Variants in CARD14 observed in about 807,000 individuals in gnomAD.
CARD14 encodes the protein caspase recruitment domain family member 14.
CARD14 carries 107 observed loss-of-function variants against 111.5 expected under a neutral mutation model. The observed-to-expected ratio is 0.96, with a 90% CI of 0.82 to 1.13. The LOEUF (loss-of-function observed/expected upper bound fraction) is 1.13. Among genes scored for constraint, CARD14 ranks in the 50% most tolerant of loss-of-function variants. The pLI, the probability that CARD14 is intolerant of heterozygous loss-of-function variation, is 0.00. For missense variants in CARD14, 1,322 were observed against 1,362.3 expected, an observed-to-expected ratio of 0.97 and a Z score of 0.47; for synonymous variants, 617 against 579.6, an observed-to-expected ratio of 1.06 and a Z score of -0.93.
chr17:80,188,829 T>C lies in CARD14; in HGVS notation c.843+285T>C, dbSNP rs945165845. ...ACTTGGGAGGCCAAGATGGGCAAGA[T>C]AGCTTGAGCTCAGGAGTTCAAGACC... On this transcript the variant is annotated intron_variant, in intron 8 of 23. Coordinates refer to ENST00000648509, the MANE Select transcript of CARD14 (RefSeq NM_001366385.1). This position sits in a 1 kb window ranked among gnomAD's most constrained non-coding sequence, Gnocchi z 4.5. 2 of 212,420 alleles carry C rather than the reference T, an allele frequency of 9.4e-6. No individual in the cohort carries two copies. Among genetic ancestry groups the C allele is most frequent in the Non-Finnish European group, 1.8e-5 (2 of 108,208 alleles). 13.2% of individuals were successfully genotyped at this position (212,420 alleles called of 1,614,324 possible).
At chr17:80,186,673 C>G (rs1044019554) in intron 7 of CARD14, among the ~76,000 whole-genome samples, 1 of 152,160 alleles carries the variant, frequency 6.6e-6, no homozygotes, top group Non-Finnish European at 1.5e-5. Context: ...CTCAGCCTCC[C>G]GAGCAGCTGG....
At chr17:80,174,819 C>T (rs1310364428) in intron 2 of CARD14, among the ~76,000 whole-genome samples, 1 of 152,082 alleles carries the variant, frequency 6.6e-6, no homozygotes, top group Non-Finnish European at 1.5e-5. Flanking sequence ...CTCTGACTTC[C>T]CTAGACTTCT....
At chr17:80,191,007 C>G in intron 10 of CARD14, 108 bp downstream of exon 10, 1 of 1,452,228 alleles carries the variant, frequency 6.9e-7, no homozygotes, top group Non-Finnish European at 9.3e-7. Context: ...CAGCTGGTCC[C>G]AGATTTCAGG....
At position 80,195,213 on chromosome 17, in the gene CARD14, G is replaced by C; in HGVS notation, c.1379G>C (p.Ser460Thr). Reference protein sequence around the residue: ...STESQLLSDLSATSSRELVDS... With the variant: ...STESQLLSDLTATSSRELVDS... ...CAGTCTCAGCTCTTGTCGGACCTGA[G>C]TGCCACGTCCAGCCGCGAGCTGGTG... Residue 460 changes from serine (S) to threonine (T), a missense_variant, in exon 13 of 24, where the codon AGT becomes ACT. Transcript: ENST00000648509. This position sits in a 1 kb window ranked among gnomAD's most constrained non-coding sequence, Gnocchi z 4.7. The C allele has an allele frequency of 6.2e-7, 1 of 1,610,006 alleles. No individual in the cohort carries two copies. Among genetic ancestry groups the C allele is most frequent in the Non-Finnish European group, 8.5e-7 (1 of 1,178,354 alleles).
chr17:80,201,995 G>A lies in CARD14; in HGVS notation c.1978+125G>A. ...CCAGAGCCAAGAGAGGATCAGCCAG[G>A]CTGTGCCCCAGGTCCCCAGGAGGCC... On this transcript the variant is annotated intron_variant, in intron 17 of 23. Coordinates refer to ENST00000648509, the MANE Select transcript of CARD14 (RefSeq NM_001366385.1). The surrounding 1 kb of genome is among the most constrained non-coding windows in gnomAD (Gnocchi z 5.0). The A allele has an allele frequency of 7.3e-7, 1 of 1,372,834 alleles. No homozygotes were observed. Among genetic ancestry groups the A allele is most frequent in the Non-Finnish European group, 9.9e-7 (1 of 1,010,928 alleles). The allele number at this position is 1,372,834 out of a possible 1,614,324, so 85.0% of individuals were successfully genotyped here.
Position 80,192,577 on chromosome 17 carries a change from C to A in CARD14, c.1314C>A (p.Cys438Ter), listed in dbSNP as rs2040562035. The A allele has an allele frequency of 6.2e-7, 1 of 1,613,290 alleles. No individual in the cohort carries two copies. Among genetic ancestry groups the A allele is most frequent in the African/African-American group, 1.3e-5 (1 of 74,922 alleles). The change falls in exon 12 of 24, where the codon TGC (cysteine) becomes TGA (stop). Residue 438 changes from cysteine to a stop codon, truncating the protein, a stop_gained. Transcript: ENST00000648509. LOFTEE classifies it high-confidence loss of function. ...KQRLVRMHAI[C>*]PRDDSDCSLV... Reference sequence around the variant, plus strand: ...GGCTGGTGCGGATGCATGCCATCTGCCCCAGAGACGACAGCGACTGCAGCC... The same window carrying A: ...GGCTGGTGCGGATGCATGCCATCTGACCCAGAGACGACAGCGACTGCAGCC...
At chr17:80,200,282 G>A (rs1361653705) in intron 16 of CARD14, among the ~76,000 whole-genome samples, 2 of 139,086 alleles carry the variant, frequency 1.4e-5, no homozygotes, top group Non-Finnish European at 3.0e-5. Context: ...TGTCGCCCAG[G>A]CTGGAGTGCA....
Position 80,198,649 on chromosome 17 carries a change from G to A in CARD14, c.1851+58G>A, listed in dbSNP as rs907251778. The A allele has an allele frequency of 6.2e-7, 1 of 1,608,684 alleles. No homozygotes were observed. The highest frequency in any genetic ancestry group is 1.3e-5 in the African/African-American group (1 of 75,048). On this transcript the variant is annotated intron_variant, in intron 16 of 23. Transcript: ENST00000648509. This position sits in a 1 kb window ranked among gnomAD's most constrained non-coding sequence, Gnocchi z 7.5. ...GCTCCTCATGGGGACAGTGGCAGCG[G>A]GTGGGGTGACCCAGGCAGACTTCAC... is the stretch of plus-strand genomic sequence containing the variant.
At chr17:80,177,434 G>A (rs2040053214) in intron 2 of CARD14, among the ~76,000 whole-genome samples, 1 of 152,124 alleles carries the variant, frequency 6.6e-6, no homozygotes, top group Admixed American at 6.6e-5. Context: ...AGTGGTTCAT[G>A]CCTGTAATCC....
At chr17:80,173,604 AT>A (rs373407816) in intron 2 of CARD14, among the ~76,000 whole-genome samples, 367 of 143,524 alleles carry the variant, frequency 2.6e-3, no homozygotes, top group Admixed American at 3.1e-3. Flanking sequence ...CAGATTCGGC[AT>A]TTTTTTTTTT....
In CARD14 at chr17:80,195,423, T is replaced by C; in HGVS notation, c.1499+90T>C. The C allele has an allele frequency of 6.5e-7, 1 of 1,528,266 alleles. No individual in the cohort carries two copies. Among genetic ancestry groups the C allele is most frequent in the Non-Finnish European group, 8.8e-7 (1 of 1,133,274 alleles). The allele number at this position is 1,528,266 out of a possible 1,614,324, so 94.7% of individuals were successfully genotyped here. A position where few individuals can be genotyped will look rare whatever the true frequency, so the allele number is the denominator to read the frequency against. On this transcript the variant is annotated intron_variant, in intron 13 of 23. Transcript: ENST00000648509. This position sits in a 1 kb window ranked among gnomAD's most constrained non-coding sequence, Gnocchi z 4.7. Reference sequence around the variant, plus strand: ...AGACACCAACCTAGACCTCAGGGCATCTGGGTATTGCAGGCAGCAGCTCCT... The same window carrying C: ...AGACACCAACCTAGACCTCAGGGCACCTGGGTATTGCAGGCAGCAGCTCCT...
chr17:80,199,561 C>CAAAAAAAAAAAAAAAA (rs34737700), intron 16 of CARD14, among the ~76,000 whole-genome samples: 4 of 68,772 alleles, frequency 5.8e-5, no homozygotes, highest in Admixed American at 2.1e-4. Context: ...AGCCTTGTCT[C>CAAAAAAAAAAAAAAAA]AAAAAAAAAA....
In CARD14 at chr17:80,184,053, G is replaced by A. The variant is rs149667803; in HGVS notation, c.490G>A (p.Glu164Lys). The A allele has an allele frequency of 1.3e-5, 21 of 1,587,348 alleles. No individual in the cohort carries two copies. Among genetic ancestry groups the A allele is most frequent in the South Asian group, 5.7e-5 (5 of 87,168 alleles). ...GCTGCAGGAGCACCTGGGCCTGGCC[G>A]AGACCCGTGCCGAGGGCCTGCACCA... is the stretch of plus-strand genomic sequence containing the variant. ...QQLQEHLGLA[E>K]TRAEGLHQLE... Residue 164 changes from glutamate to lysine, a missense_variant, in exon 7 of 24, where the codon GAG (glutamate) becomes AAG (lysine). Glu to Lys is a moderately conservative substitution (Grantham distance 56, BLOSUM62 1). Coordinates refer to ENST00000648509, the MANE Select transcript of CARD14 (RefSeq NM_001366385.1).
At position 80,181,527 on chromosome 17, in the gene CARD14, TC is replaced by T. The variant is rs1457318028; in HGVS notation, c.90del (p.Ile30MetfsTer48). On this transcript the variant is annotated frameshift_variant, in exon 5 of 24. Transcript: ENST00000648509. LOFTEE classifies it high-confidence loss of function. ...ATGATGGAGAGCCACCGCCACAGGA[TC>T]GTACGCTGCATCTGCCCCAGCCGCC... ...WEMMESHRHR[I>X]VRCICPSRLT... 6.3e-6 allele frequency: 10 copies of T among 1,587,638 alleles called. No homozygotes were observed. Among genetic ancestry groups the T allele is most frequent in the Non-Finnish European group, 8.6e-6 (10 of 1,167,490 alleles).
At chr17:80,191,500 G>C in intron 11 of CARD14, 28 bp downstream of exon 11, 1 of 1,601,464 alleles carries the variant, frequency 6.2e-7, no homozygotes, top group Non-Finnish European at 8.5e-7. Flanking sequence ...ACCCGAGCTG[G>C]AGGCCAGGCA....
chr17:80,180,024 GAAA>G (rs1364169210), intron 4 of CARD14, among the ~76,000 whole-genome samples: 1 of 152,148 alleles, frequency 6.6e-6, no homozygotes, highest in African/African-American at 2.4e-5. Flanking sequence ...TTAATATGCT[GAAA>G]ACAGTGCACA....
chr17:80,189,792 CG>C lies in CARD14; in HGVS notation c.888del (p.Ser297AlafsTer51). Reference protein sequence around the residue: ...DILEQSLDEARGSRQELVERI... With the variant: ...DILEQSLDEAXGSRQELVERI... The stretch of plus-strand genomic sequence containing the variant: ...TCTGGAGCAGAGCCTGGACGAGGCG[CG>C]GGGGAGCCGACAGGAGCTGGTGGAG... On this transcript the variant is annotated frameshift_variant, in exon 9 of 24. Coordinates refer to ENST00000648509, the MANE Select transcript of CARD14 (RefSeq NM_001366385.1). LOFTEE classifies it high-confidence loss of function. The surrounding 1 kb of genome is among the most constrained non-coding windows in gnomAD (Gnocchi z 4.7). 1.9e-6 allele frequency: 3 copies of C among 1,584,834 alleles called. No individual in the cohort carries two copies. The highest frequency in any genetic ancestry group is 1.9e-5 in the Admixed American group (1 of 53,028).
intron 12 of CARD14, among the ~76,000 whole-genome samples, chr17:80,194,291 C>T (rs2040632968): frequency 6.6e-6 from 1 of 152,200 alleles, no homozygotes; most frequent in Non-Finnish European, 1.5e-5. Context: ...CCCGTTGGTT[C>T]CCCCACCCCA....
In CARD14 at chr17:80,182,447, T is replaced by C. The variant is rs2040203721; in HGVS notation, c.212-206T>C. Among the ~76,000 whole-genome samples the C allele has an allele frequency of 6.6e-6, 1 of 152,164 alleles. No individual in the cohort carries two copies. Among genetic ancestry groups the C allele is most frequent in the African/African-American group, 2.4e-5 (1 of 41,444 alleles). On this transcript the variant is annotated intron_variant, in intron 5 of 23. Transcript: ENST00000648509. This position sits in a 1 kb window ranked among gnomAD's most constrained non-coding sequence, Gnocchi z 4.7. The stretch of plus-strand genomic sequence containing the variant: ...CAGCTTTGCCCTTCTCGAGTCTGAC[T>C]GAGGTCATGGGGGTAAAGGGAGCCT...
Sources: allele counts gnomAD v4.1 joint callset (sites outside exome capture counted in the v4.1 genomes callset), GRCh38; gene constraint gnomAD v4.1.1; non-coding constraint Gnocchi (gnomAD v3.1); transcripts MANE v1.5; gene names NCBI Gene and HGNC (gene_info 2026-07-23, HGNC 2026-07-21).